Variants in CCDC85A observed in about 807,000 individuals in gnomAD.
The protein encoded by CCDC85A is coiled-coil domain containing 85A.
In CCDC85A, 38 loss-of-function variants were observed where a neutral mutation model predicts 50.2. The ratio of observed to expected loss-of-function variants is 0.76; its 90% confidence interval spans 0.58 to 0.99. The LOEUF is 0.99. Among genes scored for constraint, CCDC85A ranks in the 50% least tolerant of loss-of-function variants. The pLI is 0.00. For synonymous variants in CCDC85A, 366 were observed against 301.4 expected (o/e 1.21, Z -2.22); for missense variants, 820 against 742.0 (o/e 1.11, Z -1.22).
intron 2 of CCDC85A, among the ~76,000 whole-genome samples, chr2:56,285,545 A>G (rs1346490762): frequency 2.1e-5 from 3 of 145,846 alleles, no homozygotes; most frequent in East Asian, 3.9e-4. Flanking sequence ...TTATTTATAT[A>G]TAATATAACA....
intron 2 of CCDC85A, among the ~76,000 whole-genome samples, chr2:56,242,368 G>A (rs895877474): frequency 2.1e-4 from 32 of 152,064 alleles, no homozygotes; most frequent in Admixed American, 6.6e-5. Flanking sequence ...GCATCTGCTT[G>A]GTTTCCTCAG....
intron 2 of CCDC85A, among the ~76,000 whole-genome samples, chr2:56,321,825 G>C (rs542132190): frequency 6.6e-6 from 1 of 152,200 alleles, no homozygotes; most frequent in East Asian, 1.9e-4. Flanking sequence ...AAAAGAGCCC[G>C]CATTGCCAAG....
chr2:56,375,609 G>A (rs1041233729), intron 4 of CCDC85A, among the ~76,000 whole-genome samples: 1 of 152,180 alleles, frequency 6.6e-6, no homozygotes, highest in Non-Finnish European at 1.5e-5. Context: ...ATCTGACAAT[G>A]TATTGAAGTG....
intron 2 of CCDC85A, among the ~76,000 whole-genome samples, chr2:56,215,552 C>T (rs2103890685): frequency 6.7e-6 from 1 of 149,942 alleles, no homozygotes; most frequent in East Asian, 2.0e-4. Context: ...TGAGGAAGTT[C>T]CCTTCTATTC....
intron 2 of CCDC85A, among the ~76,000 whole-genome samples, chr2:56,291,050 G>A (rs1671680701): frequency 6.6e-6 from 1 of 152,174 alleles, no homozygotes; most frequent in African/African-American, 2.4e-5. Context: ...TTATGTTGCG[G>A]GTTATATGGC....
intron 2 of CCDC85A, among the ~76,000 whole-genome samples, chr2:56,195,532 T>C (rs898187327): frequency 2.6e-5 from 4 of 152,260 alleles, no homozygotes; most frequent in South Asian, 2.1e-4. Flanking sequence ...CAGTAATTAA[T>C]TGGAAAATGA....
chr2:56,375,354 A>G (rs184633456), intron 4 of CCDC85A, among the ~76,000 whole-genome samples: 1 of 152,342 alleles, frequency 6.6e-6, no homozygotes, highest in Admixed American at 6.5e-5. Context: ...AAAATGCTTT[A>G]TTATAGGTCT....
At chr2:56,280,569 A>G (rs950824835) in intron 2 of CCDC85A, among the ~76,000 whole-genome samples, 13 of 152,298 alleles carry the variant, frequency 8.5e-5, no homozygotes, top group Admixed American at 2.0e-4. Flanking sequence ...TTAATTAACT[A>G]TAACACATCA....
chr2:56,199,864 T>A lies in CCDC85A; in HGVS notation c.1240+6424T>A, dbSNP rs546565503. On this transcript the variant is annotated intron_variant, in intron 2 of 5. Transcript: ENST00000407595. ...ATTTTAGCTTTTCAAGGTTCAGTTT[T>A]GCTTTTTATTTTTATTTTTATTTGA... is the stretch of plus-strand genomic sequence containing the variant. 7.4e-4 allele frequency among the ~76,000 whole-genome samples: 113 copies of A among 152,316 alleles called. 1 individual carries two copies. Among genetic ancestry groups the A allele is most frequent in the Admixed American group, 7.2e-4 (11 of 15,300 alleles).
intron 1 of CCDC85A, among the ~76,000 whole-genome samples, chr2:56,189,325 C>G (rs796809155): frequency 2.6e-5 from 2 of 75,578 alleles, no homozygotes; most frequent in South Asian, 6.6e-4. Context: ...GACAAGGTCT[C>G]ACTCTGTTGC....
chr2:56,240,511 T>C (rs1453021210), intron 2 of CCDC85A, among the ~76,000 whole-genome samples: 1 of 152,178 alleles, frequency 6.6e-6, no homozygotes, highest in African/African-American at 2.4e-5. Context: ...TCTTTGTGTG[T>C]TTTGTCCAAT....
At chr2:56,350,798 G>C (rs1231793767) in intron 3 of CCDC85A, among the ~76,000 whole-genome samples, 1 of 143,778 alleles carries the variant, frequency 7.0e-6, no homozygotes, top group Non-Finnish European at 1.5e-5. Context: ...AATTTATTTA[G>C]TCAGCCATCC....
intron 2 of CCDC85A, among the ~76,000 whole-genome samples, chr2:56,203,118 C>G (rs534461135): frequency 8.7e-4 from 132 of 152,272 alleles, no homozygotes; most frequent in Non-Finnish European, 1.6e-3. Flanking sequence ...TTCACTGTTA[C>G]AAAAGCTGAC....
At chr2:56,292,334 C>T (rs935500314) in intron 2 of CCDC85A, among the ~76,000 whole-genome samples, 2 of 152,130 alleles carry the variant, frequency 1.3e-5, no homozygotes, top group Non-Finnish European at 2.9e-5. Context: ...CCACCCGCCT[C>T]GGCCTCCCAA....
At chr2:56,287,099 C>T (rs1431772463) in intron 2 of CCDC85A, among the ~76,000 whole-genome samples, 1 of 152,166 alleles carries the variant, frequency 6.6e-6, no homozygotes, top group Non-Finnish European at 1.5e-5. Context: ...ATAGTTATGA[C>T]ATCTGGTGTT....
chr2:56,329,190 T>C (rs1356071595), intron 2 of CCDC85A, among the ~76,000 whole-genome samples: 3 of 152,224 alleles, frequency 2.0e-5, no homozygotes, highest in Non-Finnish European at 2.9e-5. Context: ...TCTTAGGGAC[T>C]TCTCAAGTTC....
Position 56,193,439 on chromosome 2 carries a change from C to A in CCDC85A, c.1239C>A (p.Asn413Lys). 1 of 1,598,464 alleles carries A rather than the reference C, an allele frequency of 6.3e-7. No individual in the cohort carries two copies. The highest frequency in any genetic ancestry group is 1.1e-5 in the South Asian group (1 of 87,744). Residue 413 changes from asparagine to lysine, a missense_variant and splice_region_variant, in exon 2 of 6, where the codon AAC becomes AAA. Transcript: ENST00000407595. ...ACCGGAATGTCTACAGTGGCATGAA[C>A]GGTGGGTCAGTATGTGCTGGGGTGC... ...PHHRNVYSGM[N>K]ESTLSYVRQL...
intron 3 of CCDC85A, among the ~76,000 whole-genome samples, chr2:56,345,965 C>T (rs1335959805): frequency 6.6e-6 from 1 of 152,092 alleles, no homozygotes; most frequent in East Asian, 1.9e-4. Flanking sequence ...TTTTCACTCC[C>T]AAATTTATTA....
At chr2:56,331,566 A>AGATTGGGG (rs1673794929) in intron 2 of CCDC85A, among the ~76,000 whole-genome samples, 1 of 152,198 alleles carries the variant, frequency 6.6e-6, no homozygotes, top group Admixed American at 6.5e-5. Context: ...TGCTTTGGGA[A>AGATTGGGG]GATTGGGGGG....
Sources: allele counts gnomAD v4.1 joint callset (sites outside exome capture counted in the v4.1 genomes callset), GRCh38; gene constraint gnomAD v4.1.1; transcripts MANE v1.5; gene names NCBI Gene and HGNC (gene_info 2026-07-23, HGNC 2026-07-21).